Variants in CCL28 observed in about 807,000 individuals in gnomAD.
CCL28 encodes the protein C-C motif chemokine ligand 28, also known as C-C motif chemokine 28.
A neutral mutation model predicts 7.1 loss-of-function variants in CCL28; 4 were observed. That is an observed-to-expected ratio of 0.56 (90% CI 0.28 to 1.29). CCL28 has a LOEUF of 1.29. CCL28 is among the 50% of genes most tolerant of loss of function. The pLI is 0.11. For missense variants in CCL28, 151 were observed against 163.4 expected, an observed-to-expected ratio of 0.92 and a Z score of 0.41; for synonymous variants, 55 against 57.8, an observed-to-expected ratio of 0.95 and a Z score of 0.22.
chr5:43,368,908 GT>G, the CCL28 span, among the ~76,000 whole-genome samples: 5 of 148,588 alleles, frequency 3.4e-5, no homozygotes, highest in African/African-American at 1.2e-4. Flanking sequence ...AATTTCTGTT[GT>G]TAAGCCACCT....
chr5:43,403,210 T>C (rs534512007), intron 1 of CCL28, among the ~76,000 whole-genome samples: 30 of 152,326 alleles, frequency 2.0e-4, no homozygotes, highest in South Asian at 1.0e-3. Flanking sequence ...ACAGATTGCA[T>C]CCTCAAGTGG....
the CCL28 span, among the ~76,000 whole-genome samples, chr5:43,366,228 T>C: frequency 6.6e-6 from 1 of 152,244 alleles, no homozygotes; most frequent in Non-Finnish European, 1.5e-5. Context: ...TTGTGATCCT[T>C]TGGAGGAGAA....
chr5:43,408,108 A>G (rs978924663), intron 1 of CCL28, among the ~76,000 whole-genome samples: 1 of 152,226 alleles, frequency 6.6e-6, no homozygotes, highest in Non-Finnish European at 1.5e-5. Flanking sequence ...TAGAACTAGA[A>G]ATACTATTTG....
chr5:43,392,474 C>A (rs1740614782), intron 1 of CCL28, among the ~76,000 whole-genome samples: 1 of 152,164 alleles, frequency 6.6e-6, no homozygotes, highest in South Asian at 2.1e-4. Flanking sequence ...TCCTGGAACA[C>A]ATTTGGAGAA....
intron 1 of CCL28, among the ~76,000 whole-genome samples, chr5:43,395,854 C>CG (rs2111816134): frequency 6.9e-6 from 1 of 145,302 alleles, no homozygotes; most frequent in African/African-American, 2.5e-5. Context: ...TTACCCCCCG[C>CG]CTTTTTTTTT....
At chr5:43,376,004 C>T (rs527978921), downstream of CCL28, among the ~76,000 whole-genome samples, 3 of 152,284 alleles carry the variant, frequency 2.0e-5, no homozygotes, top group African/African-American at 7.2e-5. Context: ...CATTGCACTC[C>T]AGCCTGGGCA....
chr5:43,359,209 G>A, the CCL28 span, among the ~76,000 whole-genome samples: 1 of 152,202 alleles, frequency 6.6e-6, no homozygotes. Context: ...CAGAAATATA[G>A]TACAGAGTCA....
chr5:43,403,740 G>T (rs1741144322), intron 1 of CCL28, among the ~76,000 whole-genome samples: 2 of 152,172 alleles, frequency 1.3e-5, no homozygotes, highest in Admixed American at 1.3e-4. Flanking sequence ...CGAACCCATG[G>T]CAAAGAAGTT....
rs11741797 is a variant in CCL28 at position 43,379,690 on chromosome 5, A to G, written c.*2170T>C. The G allele has an allele frequency of 0.52, 79,779 of 152,058 alleles. 21,756 individuals carry two copies. Among genetic ancestry groups the G allele is most frequent in the Middle Eastern group, 0.67 (199 of 296 alleles). 9.4% of individuals were successfully genotyped at this position (152,058 alleles called of 1,614,324 possible). On this transcript the variant is annotated 3_prime_UTR_variant, in exon 3 of 3. Transcript: ENST00000361115. ...TTGGGACTAGCCAGCAGGGAGGCCC[A>G]GGACACCTGCCACCTGATAAAGTGG...
chr5:43,399,447 GTC>G (rs1188518683), intron 1 of CCL28, among the ~76,000 whole-genome samples: 4 of 152,092 alleles, frequency 2.6e-5, no homozygotes, highest in African/African-American at 9.7e-5. Flanking sequence ...GACATTAAGA[GTC>G]TATATGACTG....
the CCL28 span, among the ~76,000 whole-genome samples, chr5:43,366,097 T>C: frequency 1.3e-5 from 2 of 152,218 alleles, no homozygotes; most frequent in African/African-American, 4.8e-5. Flanking sequence ...CTACCTTGCA[T>C]TGGGTTAGAA....
chr5:43,408,975 C>T (rs1003481776), intron 1 of CCL28, among the ~76,000 whole-genome samples: 3 of 150,918 alleles, frequency 2.0e-5, no homozygotes, highest in Non-Finnish European at 4.4e-5. Context: ...ACTGCAGCCT[C>T]GAACTCCTGG....
the CCL28 span, among the ~76,000 whole-genome samples, chr5:43,363,255 C>A: frequency 6.6e-6 from 1 of 152,290 alleles, no homozygotes; most frequent in Non-Finnish European, 1.5e-5. Context: ...ATCCTGAATT[C>A]TTTAGCATCT....
intron 2 of CCL28, among the ~76,000 whole-genome samples, chr5:43,384,643 T>C (rs577524957): frequency 3.6e-4 from 52 of 145,942 alleles, no homozygotes; most frequent in South Asian, 8.8e-4. Flanking sequence ...CCAATCCCCC[T>C]TTTTTTTTTT....
chr5:43,406,566 C>T (rs888016932), intron 1 of CCL28, among the ~76,000 whole-genome samples: 48 of 152,206 alleles, frequency 3.2e-4, no homozygotes, highest in African/African-American at 1.1e-3. Flanking sequence ...AAACTGGAAG[C>T]ATTCCCTTTG....
At chr5:43,361,383 A>G in the CCL28 span, among the ~76,000 whole-genome samples, 2 of 152,130 alleles carry the variant, frequency 1.3e-5, no homozygotes, top group Admixed American at 1.3e-4. Context: ...TTGCATTTCA[A>G]TATGAGACCT....
At chr5:43,365,396 T>A in the CCL28 span, among the ~76,000 whole-genome samples, 3 of 152,254 alleles carry the variant, frequency 2.0e-5, no homozygotes, top group Non-Finnish European at 4.4e-5. Context: ...TGTGTGAATT[T>A]GATCCTGTCA....
downstream of CCL28, among the ~76,000 whole-genome samples, chr5:43,371,785 G>A (rs1036544944): frequency 1.9e-4 from 29 of 152,154 alleles, no homozygotes; most frequent in Non-Finnish European, 2.9e-5. Flanking sequence ...TAAGTTTTGG[G>A]GTAACTTATT....
At chr5:43,358,666 A>G in the CCL28 span, among the ~76,000 whole-genome samples, 1 of 152,228 alleles carries the variant, frequency 6.6e-6, no homozygotes, top group African/African-American at 2.4e-5. Context: ...CGGAGGTAAT[A>G]GTTACTGAGC....
Sources: allele counts gnomAD v4.1 joint callset (sites outside exome capture counted in the v4.1 genomes callset), GRCh38; gene constraint gnomAD v4.1.1; transcripts MANE v1.5; gene names NCBI Gene and HGNC (gene_info 2026-07-23, HGNC 2026-07-21).